GLI3: variants seen among roughly 807,000 people sequenced by gnomAD.
The protein encoded by GLI3 is GLI family zinc finger 3.
GLI3 carries 20 observed loss-of-function variants against 100.8 expected under a neutral mutation model. That is an observed-to-expected ratio of 0.20 (90% CI 0.14 to 0.29). The LOEUF is 0.29. Ranked by LOEUF, GLI3 falls within the 10% of genes least tolerant of loss-of-function variation. The pLI, the probability that GLI3 is intolerant of heterozygous loss-of-function variation, is 1.00. For synonymous variants in GLI3, 938 were observed against 860.5 expected, an observed-to-expected ratio of 1.09 and a Z score of -1.58; for missense variants, 2,040 against 2,128.5, an observed-to-expected ratio of 0.96 and a Z score of 0.82.
chr7:42,176,683 T>A (rs1787487144), intron 2 of GLI3, among the ~76,000 whole-genome samples: 1 of 152,216 alleles, frequency 6.6e-6, no homozygotes, highest in Admixed American at 6.5e-5. Context: ...TCAGTGAGCA[T>A]TCCCTCAAAG....
intron 3 of GLI3, among the ~76,000 whole-genome samples, chr7:42,128,969 A>G (rs1786203537): frequency 6.6e-6 from 1 of 152,224 alleles, no homozygotes; most frequent in African/African-American, 2.4e-5. Context: ...GCAGTCTAGC[A>G]GAAATGCAAC....
At position 42,207,064 on chromosome 7, in the gene GLI3, G is replaced by C. The variant is rs552038974; in HGVS notation, c.124+16066C>G. ...TACAGAAAATACCAAGTGTTGACAC[G>C]AATGAGAAGCAAGTCTATACAACCC... On this transcript the variant is annotated intron_variant, in intron 2 of 14. Transcript: ENST00000395925. Among the ~76,000 whole-genome samples, 3 of 152,308 alleles carry C rather than the reference G, an allele frequency of 2.0e-5. No individual in the cohort carries two copies. The South Asian group carries it at 6.2e-4, about 32-fold the overall frequency.
rs554682830 is a variant in GLI3 at position 42,158,234 on chromosome 7, C to T, written c.125-9766G>A. 2.8e-4 allele frequency among the ~76,000 whole-genome samples: 43 copies of T among 152,346 alleles called. 3 individuals are homozygous for T. In the South Asian group the frequency reaches 8.9e-3, roughly 32 times the overall value. On this transcript the variant is annotated intron_variant, in intron 2 of 14. Transcript: ENST00000395925. ...CTAAACGCCAGGCCAGTGCTATGTGCTCCACATGCGTTAATCCCACTGAAT... is the reference window on the plus strand; with the variant it reads ...CTAAACGCCAGGCCAGTGCTATGTGTTCCACATGCGTTAATCCCACTGAAT...
intron 1 of GLI3, among the ~76,000 whole-genome samples, chr7:42,249,336 G>A (rs560451089): frequency 9.9e-5 from 15 of 152,132 alleles, no homozygotes; most frequent in African/African-American, 3.6e-4. Context: ...ATTTCATATA[G>A]TTTTCATAAT....
Position 41,964,243 on chromosome 7 carries a change from G to T in GLI3, c.*87C>A. ...AGATGAGATTGCTAAAATACATACA[G>T]AACTAAAAAAACAGCCAAAACAAAG... On this transcript the variant is annotated 3_prime_UTR_variant, in exon 15 of 15. Transcript: ENST00000395925. The T allele has an allele frequency of 1.8e-6, 2 of 1,128,412 alleles. No homozygotes were observed. The highest frequency in any genetic ancestry group is 2.7e-6 in the Non-Finnish European group (2 of 750,938). 69.9% of individuals were successfully genotyped at this position (1,128,412 alleles called of 1,614,324 possible). A position where few individuals can be genotyped will look rare whatever the true frequency, so the allele number is the denominator to read the frequency against.
chr7:42,227,474 G>GT (rs1657813250), intron 1 of GLI3, among the ~76,000 whole-genome samples: 1 of 152,042 alleles, frequency 6.6e-6, no homozygotes, highest in South Asian at 2.1e-4. Flanking sequence ...TGAACCTTTT[G>GT]TAATTTCCCC....
chr7:42,007,251 A>G (rs1335970119), intron 10 of GLI3, among the ~76,000 whole-genome samples: 2 of 151,694 alleles, frequency 1.3e-5, no homozygotes, highest in Non-Finnish European at 2.9e-5. Context: ...AGGAAGGAAG[A>G]AAAAAGAACC....
chr7:42,206,291 CAATAAT>C (rs200574285), intron 2 of GLI3, among the ~76,000 whole-genome samples: 1 of 150,436 alleles, frequency 6.6e-6, no homozygotes, highest in African/African-American at 2.4e-5. Context: ...ATAATAATAA[CAATAAT>C]AATAATAATA....
intron 2 of GLI3, among the ~76,000 whole-genome samples, chr7:42,217,678 A>T (rs1020291508): frequency 6.6e-6 from 1 of 152,210 alleles, no homozygotes; most frequent in African/African-American, 2.4e-5. Context: ...TTTTTAATCC[A>T]TCCCTCCTTA....
At chr7:42,017,146 A>T (rs1788787243) in intron 10 of GLI3, among the ~76,000 whole-genome samples, 1 of 152,228 alleles carries the variant, frequency 6.6e-6, no homozygotes, top group African/African-American at 2.4e-5. Flanking sequence ...TGCCAGCAAC[A>T]TCTGCTATAG....
intron 2 of GLI3, among the ~76,000 whole-genome samples, chr7:42,174,123 A>C (rs1313059184): frequency 6.6e-6 from 1 of 152,146 alleles, no homozygotes; most frequent in African/African-American, 2.4e-5. Context: ...AATATGTACA[A>C]GCCATTTATA....
At chr7:42,125,990 GA>G (rs1428773473) in intron 3 of GLI3, among the ~76,000 whole-genome samples, 1 of 152,098 alleles carries the variant, frequency 6.6e-6, no homozygotes, top group Non-Finnish European at 1.5e-5. Flanking sequence ...ATTGGGGCTT[GA>G]AAAAACAGCA....
At chr7:42,095,812 C>T (rs1217018415) in intron 3 of GLI3, among the ~76,000 whole-genome samples, 1 of 152,070 alleles carries the variant, frequency 6.6e-6, no homozygotes, top group Non-Finnish European at 1.5e-5. Context: ...TTGAGAGCCA[C>T]GTCTAGCCTG....
At chr7:42,143,541 C>T (rs1470421046) in intron 3 of GLI3, among the ~76,000 whole-genome samples, 1 of 152,192 alleles carries the variant, frequency 6.6e-6, no homozygotes, top group African/African-American at 2.4e-5. Flanking sequence ...TGTGGAAAGT[C>T]ACCTAATATA....
chr7:42,082,184 C>A (rs149694392), intron 3 of GLI3, among the ~76,000 whole-genome samples: 141 of 152,032 alleles, frequency 9.3e-4, no homozygotes, highest in African/African-American at 3.1e-3. Flanking sequence ...AGAGATCCGA[C>A]TGCCAAGGAA....
chr7:42,150,145 C>T (rs1786819982), intron 2 of GLI3: 2 of 152,098 alleles, frequency 1.3e-5, no homozygotes, highest in South Asian at 4.2e-4. Context: ...AGATCCTCAT[C>T]CCAAACTTTA....
intron 3 of GLI3, among the ~76,000 whole-genome samples, chr7:42,137,012 C>T (rs1786445017): frequency 6.6e-6 from 1 of 152,220 alleles, no homozygotes; most frequent in Non-Finnish European, 1.5e-5. Context: ...AACCTCAGTT[C>T]AGCCACTTCC....
intron 1 of GLI3, among the ~76,000 whole-genome samples, chr7:42,257,259 C>CT (rs919683250): frequency 1.6e-4 from 24 of 148,594 alleles, no homozygotes; most frequent in Non-Finnish European, 3.0e-4. Flanking sequence ...CTTTTTCTTT[C>CT]TTTTTTTTTC....
At chr7:42,232,543 T>C (rs1438655463) in intron 1 of GLI3, among the ~76,000 whole-genome samples, 1 of 152,212 alleles carries the variant, frequency 6.6e-6, no homozygotes, top group Non-Finnish European at 1.5e-5. Flanking sequence ...ATGCAGTACT[T>C]TGACAAATGG....
Sources: allele counts gnomAD v4.1 joint callset (sites outside exome capture counted in the v4.1 genomes callset), GRCh38; gene constraint gnomAD v4.1.1; transcripts MANE v1.5; gene names NCBI Gene and HGNC (gene_info 2026-07-23, HGNC 2026-07-21).